Variants in CYSLTR1 observed in about 807,000 individuals in gnomAD.
CYSLTR1 encodes the protein cysteinyl leukotriene receptor 1.
CYSLTR1 carries 1 observed loss-of-function variant against 2.1 expected under a neutral mutation model. The observed-to-expected ratio is 0.48, with a 90% CI of 0.17 to 2.28. The LOEUF (loss-of-function observed/expected upper bound fraction) is 2.28. Ranked by LOEUF, CYSLTR1 falls within the 30% of genes most tolerant of loss-of-function variation. The probability of loss-of-function intolerance (pLI) is 0.26; values close to 1 mark genes in which losing one functional copy is unlikely to be tolerated. For synonymous variants in CYSLTR1, 110 were observed against 89.6 expected, an observed-to-expected ratio of 1.23 and a Z score of -1.28; for missense variants, 299 against 250.1, an observed-to-expected ratio of 1.20 and a Z score of -1.32.
chrX:78,275,693 C>T (rs1005704719), intron 2 of CYSLTR1, among the ~76,000 whole-genome samples: 14 of 111,187 alleles, frequency 1.3e-4, no homozygotes, highest in Admixed American at 9.6e-5. Flanking sequence ...AACAAACTTG[C>T]ACGTTGTGCA....
intron 2 of CYSLTR1, among the ~76,000 whole-genome samples, chrX:78,276,637 A>G (rs1389692639): frequency 9.0e-6 from 1 of 110,998 alleles, no homozygotes; most frequent in African/African-American, 3.3e-5. Context: ...TCATTAAAAA[A>G]GTCATTATTA....
chrX:78,300,068 G>T (rs1373652527), intron 1 of CYSLTR1, among the ~76,000 whole-genome samples: 1 of 111,010 alleles, frequency 9.0e-6, no homozygotes, highest in Non-Finnish European at 1.9e-5. Context: ...GATCAATTCT[G>T]CTATTAAAAG....
At chrX:78,312,512 G>T (rs1410577300) in intron 1 of CYSLTR1, among the ~76,000 whole-genome samples, 2 of 111,619 alleles carry the variant, frequency 1.8e-5, no homozygotes, top group Non-Finnish European at 3.8e-5. Flanking sequence ...CAAAGCAAAA[G>T]AAATTACCAA....
chrX:78,281,981 G>T (rs2149184436), intron 2 of CYSLTR1, among the ~76,000 whole-genome samples: 1 of 112,124 alleles, frequency 8.9e-6, no homozygotes, highest in East Asian at 2.8e-4. Flanking sequence ...TACAGTCTGG[G>T]TGCAATTTAC....
At chrX:78,277,197 GGAC>G (rs1428186437) in intron 2 of CYSLTR1, among the ~76,000 whole-genome samples, 1 of 110,934 alleles carries the variant, frequency 9.0e-6, no homozygotes, top group African/African-American at 3.3e-5. Context: ...TGCCAGACCT[GGAC>G]AGAGTAGGGC....
intron 1 of CYSLTR1, among the ~76,000 whole-genome samples, chrX:78,326,763 T>G (rs1358854007): frequency 2.7e-5 from 3 of 111,763 alleles, no homozygotes; most frequent in African/African-American, 9.8e-5. Context: ...TTCAAGAAAA[T>G]TTTTTAGCCT....
At chrX:78,289,011 C>T (rs1371480932) in intron 1 of CYSLTR1, among the ~76,000 whole-genome samples, 1 of 109,318 alleles carries the variant, frequency 9.1e-6, no homozygotes, top group African/African-American at 3.3e-5. Flanking sequence ...ATGTGCACAA[C>T]GTGCAGGTTT....
intron 1 of CYSLTR1, among the ~76,000 whole-genome samples, chrX:78,316,230 G>A (rs1441417288): frequency 8.9e-6 from 1 of 112,540 alleles, no homozygotes; most frequent in African/African-American, 3.2e-5. Context: ...ATCCCTGACT[G>A]TATGTCACAG....
chrX:78,313,973 C>A (rs1426590537), intron 1 of CYSLTR1, among the ~76,000 whole-genome samples: 1 of 111,636 alleles, frequency 9.0e-6, no homozygotes, highest in Non-Finnish European at 1.9e-5. Flanking sequence ...AGAGTAGCAT[C>A]AGCGAGCCAA....
chrX:78,275,644 T>G (rs184778813), intron 2 of CYSLTR1, among the ~76,000 whole-genome samples: 1,477 of 110,142 alleles, frequency 0.013, 24 homozygotes, highest in African/African-American at 0.046. Flanking sequence ...GATGAGTTAA[T>G]GGGTGCAGCA....
intron 1 of CYSLTR1, among the ~76,000 whole-genome samples, chrX:78,290,799 T>C (rs970688566): frequency 6.2e-5 from 7 of 112,244 alleles, no homozygotes; most frequent in Non-Finnish European, 1.3e-4. Context: ...TTTTTGCACA[T>C]TGATTTTGCA....
intron 2 of CYSLTR1, among the ~76,000 whole-genome samples, chrX:78,280,525 T>TGGG (rs377272877): frequency 1.0e-5 from 1 of 95,452 alleles, no homozygotes; most frequent in Non-Finnish European, 2.1e-5. Flanking sequence ...GTGTGTGTGT[T>TGGG]GGGGGGGGGG....
intron 1 of CYSLTR1, among the ~76,000 whole-genome samples, chrX:78,312,154 T>A (rs958703185): frequency 2.3e-4 from 26 of 110,855 alleles, no homozygotes; most frequent in African/African-American, 8.2e-4. Context: ...TGGAACACAA[T>A]ATAGAACCCA....
intron 1 of CYSLTR1, among the ~76,000 whole-genome samples, chrX:78,302,088 G>A (rs1021709269): frequency 1.8e-5 from 2 of 112,073 alleles, no homozygotes; most frequent in Non-Finnish European, 3.8e-5. Flanking sequence ...CGACACATGG[G>A]AATTGTGGGA....
chrX:78,301,409 G>A (rs764471361), intron 1 of CYSLTR1, among the ~76,000 whole-genome samples: 34 of 111,929 alleles, frequency 3.0e-4, no homozygotes, highest in Non-Finnish European at 5.8e-4. Context: ...TGAATGCTTT[G>A]CTGCTTAGAA....
At chrX:78,305,773 C>T (rs560978045) in intron 1 of CYSLTR1, among the ~76,000 whole-genome samples, 3 of 112,886 alleles carry the variant, frequency 2.7e-5, no homozygotes, top group South Asian at 7.2e-4. Context: ...TAGCATAACG[C>T]CCTCAAGGCT....
At chrX:78,301,877 C>A (rs1922833568) in intron 1 of CYSLTR1, among the ~76,000 whole-genome samples, 1 of 112,146 alleles carries the variant, frequency 8.9e-6, no homozygotes, top group African/African-American at 3.2e-5. Context: ...ACTCACAGTT[C>A]CAAGTGGTTG....
At position 78,273,330 on chromosome X, in the gene CYSLTR1, T is replaced by G. The variant is rs1603408441; in HGVS notation, c.417A>C (p.Lys139Asn). The G allele has an allele frequency of 8.3e-7, 1 of 1,211,310 alleles. No homozygotes were observed. Among genetic ancestry groups the G allele is most frequent in the Non-Finnish European group, 1.1e-6 (1 of 895,375 alleles). The change falls in exon 3 of 3, where the codon AAA becomes AAC. Residue 139 changes from lysine to asparagine, a missense_variant. Lys to Asn is a moderately conservative substitution (Grantham distance 94). Transcript: ENST00000373304. ...VQNINLVTQKKARFVCVGIWI... is the reference protein window; with the variant it reads ...VQNINLVTQKNARFVCVGIWI... ...AAATACCTACACACACAAACCTGGC[T>G]TTTTTCTGTGTAACCAAATTAATGT...
chrX:78,294,651 C>T (rs200673091), intron 1 of CYSLTR1, among the ~76,000 whole-genome samples: 2 of 112,625 alleles, frequency 1.8e-5, no homozygotes, highest in East Asian at 5.6e-4. Flanking sequence ...TCGAGCTTCC[C>T]AGCTGCTTTG....
Sources: gnomAD v4.1 joint callset for allele counts (sites outside exome capture counted in the v4.1 genomes callset) on GRCh38, gnomAD v4.1.1 for gene constraint, MANE v1.5 for transcripts, NCBI Gene and HGNC (gene_info 2026-07-23, HGNC 2026-07-21) for gene names.